VHL: variants seen among roughly 807,000 people sequenced by gnomAD.
The protein encoded by VHL is von Hippel-Lindau disease tumor suppressor.
Under a neutral mutation model 19.2 loss-of-function variants are expected in VHL, and 10 were observed. The observed-to-expected ratio is 0.52, with a 90% confidence interval of 0.32 to 0.89. VHL has a LOEUF of 0.89. VHL is among the 40% of genes least tolerant of loss of function. The pLI, the probability that VHL is intolerant of heterozygous loss-of-function variation, is 0.03. For missense variants in VHL, 328 were observed against 292.7 expected (o/e 1.12, Z -0.88); for synonymous variants, 167 against 129.5 (o/e 1.29, Z -1.97).
At position 10,150,750 on chromosome 3, in the gene VHL, G is replaced by T. The variant is rs772766527; in HGVS notation, c.*785G>T. 2 of 232,828 alleles carry T rather than the reference G, an allele frequency of 8.6e-6. No individual in the cohort carries two copies. The highest frequency in any genetic ancestry group is 1.7e-5 in the Non-Finnish European group (2 of 117,924). 14.4% of individuals were successfully genotyped at this position (232,828 alleles called of 1,614,324 possible). On this transcript the variant is annotated 3_prime_UTR_variant, in exon 3 of 3. Coordinates refer to ENST00000256474, the MANE Select transcript of VHL (RefSeq NM_000551.4). ...ATAGCATTTTTGTAACTTGCCATCC[G>T]CACAGAAAATACGAGAAAATCTGCA...
rs1051971842 is a variant in VHL at position 10,152,911 on chromosome 3, G to A, written c.*2946G>A. Among the ~76,000 whole-genome samples the A allele has an allele frequency of 1.3e-5, 2 of 152,106 alleles. No individual in the cohort carries two copies. Among genetic ancestry groups the A allele is most frequent in the Non-Finnish European group, 2.9e-5 (2 of 68,016 alleles). On this transcript the variant is annotated 3_prime_UTR_variant, in exon 3 of 3. Transcript: ENST00000256474. ...TAATCCCAGCATTTTGGGAGACCAAGGCGGATGGATCACCTGAGGTCAGGA... is the reference window on the plus strand; with the variant it reads ...TAATCCCAGCATTTTGGGAGACCAAAGCGGATGGATCACCTGAGGTCAGGA...
Position 10,150,285 on chromosome 3 carries a change from G to A in VHL, c.*320G>A. The A allele has an allele frequency of 7.8e-7, 1 of 1,281,884 alleles. No individual in the cohort carries two copies. The allele number at this position is 1,281,884 out of a possible 1,614,324, so 79.4% of individuals were successfully genotyped here. On this transcript the variant is annotated 3_prime_UTR_variant, in exon 3 of 3. Coordinates refer to ENST00000256474, the MANE Select transcript of VHL (RefSeq NM_000551.4). ...TATAAGTAATTCAGTGGGAATTGCA[G>A]CATATCGTTTAATTTTAAGAAGGCA...
At position 10,150,831 on chromosome 3, in the gene VHL, G is replaced by C. The variant is rs1353567230; in HGVS notation, c.*866G>C. ...GTTTTTGCTAAATGTGAGTATTTCT[G>C]TTCCTTTTTGTAAATATGTGACATT... On this transcript the variant is annotated 3_prime_UTR_variant, in exon 3 of 3. Transcript: ENST00000256474. 1 of 232,152 alleles carries C rather than the reference G, an allele frequency of 4.3e-6. No individual in the cohort carries two copies. Among genetic ancestry groups the C allele is most frequent in the African/African-American group, 2.2e-5 (1 of 45,268 alleles). The allele number at this position is 232,152 out of a possible 1,614,324, so 14.4% of individuals were successfully genotyped here. A position where few individuals can be genotyped will look rare whatever the true frequency, so the allele number is the denominator to read the frequency against.
In VHL at chr3:10,146,568, A is replaced by T. The variant is rs1347416980; in HGVS notation, c.395A>T (p.Gln132Leu). 1 of 1,614,044 alleles carries T rather than the reference A, an allele frequency of 6.2e-7. No homozygotes were observed. The highest frequency in any genetic ancestry group is 1.1e-5 in the South Asian group (1 of 91,086). ...AGTHDGLLVN[Q>L]TELFVPSLNV... ...ACACACGATGGGCTTCTGGTTAACC[A>T]AACTGAATTATTTGTGCCATCTCTC... The change falls in exon 2 of 3, where the codon CAA (glutamine) becomes CTA (leucine). Residue 132 changes from glutamine (Q) to leucine (L), a missense_variant. Physicochemically the swap from Gln to Leu is moderately radical, Grantham distance 113. Transcript: ENST00000256474.
chr3:10,144,406 T>C (rs754741509), intron 1 of VHL, among the ~76,000 whole-genome samples: 1 of 151,810 alleles, frequency 6.6e-6, no homozygotes, highest in Non-Finnish European at 1.5e-5. Context: ...AACCCAGGAG[T>C]TGGAGGCTAC....
rs71307724 is a variant in VHL at position 10,148,315 on chromosome 3, C to CTTTTT, written c.464-1459_464-1455dup. Among the ~76,000 whole-genome samples the CTTTTT allele has an allele frequency of 2.8e-3, 353 of 125,480 alleles. 8 individuals are homozygous for CTTTTT. Among genetic ancestry groups the CTTTTT allele is most frequent in the African/African-American group, 0.011 (339 of 32,132 alleles). The allele number at this position is 125,480 out of a possible 152,430, so 82.3% of individuals were successfully genotyped here. ...ACCCAATTCAGTTGTACTAGATTTT[C>CTTTTT]TTTTTTTTTTTTTTTTTGAGACGGA... On this transcript the variant is annotated intron_variant, in intron 2 of 2. Coordinates refer to ENST00000256474, the MANE Select transcript of VHL (RefSeq NM_000551.4).
chr3:10,143,487 C>T (rs1342117753), intron 1 of VHL, among the ~76,000 whole-genome samples: 3 of 152,058 alleles, frequency 2.0e-5, no homozygotes, highest in Non-Finnish European at 2.9e-5. Flanking sequence ...CTGGATCTGT[C>T]GCCAGACTGG....
At position 10,153,151 on chromosome 3, in the gene VHL, G is replaced by A. The variant is rs1696458445; in HGVS notation, c.*3186G>A. Among the ~76,000 whole-genome samples the A allele has an allele frequency of 6.6e-6, 1 of 152,074 alleles. No individual in the cohort carries two copies. The highest frequency in any genetic ancestry group is 2.4e-5 in the African/African-American group (1 of 41,408). On this transcript the variant is annotated 3_prime_UTR_variant, in exon 3 of 3. Coordinates refer to ENST00000256474, the MANE Select transcript of VHL (RefSeq NM_000551.4). ...AAATTAGGCGGGCGTGGTGGTGAGCGCCTGTAGTCCCAGCTACTCGAGAGC... is the reference window on the plus strand; with the variant it reads ...AAATTAGGCGGGCGTGGTGGTGAGCACCTGTAGTCCCAGCTACTCGAGAGC...
At chr3:10,149,648 A>G in intron 2 of VHL, 139 bp from the exon 3 acceptor site, 1 of 746,074 alleles carries the variant, frequency 1.3e-6, no homozygotes, top group Non-Finnish European at 2.3e-6. Flanking sequence ...ACACACTGCC[A>G]CATACATGCA....
Position 10,149,907 on chromosome 3 carries a change from A to C in VHL, c.584A>C (p.Gln195Pro). ...GATCTGGAAGACCACCCAAATGTGC[A>C]GAAAGACCTGGAGCGGCTGACACAG... ...YEDLEDHPNVQKDLERLTQER... is the reference protein window; with the variant it reads ...YEDLEDHPNVPKDLERLTQER... Residue 195 changes from glutamine (Q) to proline (P), a missense_variant, in exon 3 of 3, where the codon CAG becomes CCG. Transcript: ENST00000256474. 1.2e-6 allele frequency: 2 copies of C among 1,614,242 alleles called. No homozygotes were observed. Among genetic ancestry groups the C allele is most frequent in the Non-Finnish European group, 1.7e-6 (2 of 1,180,042 alleles).
rs545876867 is a variant in VHL at position 10,149,153 on chromosome 3, C to T, written c.464-634C>T. On this transcript the variant is annotated intron_variant, in intron 2 of 2. Coordinates refer to ENST00000256474, the MANE Select transcript of VHL (RefSeq NM_000551.4). ...TTCAAGATAGGGTCTCACTCTGTCA[C>T]CCAGGTTGGAGTGCAGTGGCATGAT... Among the ~76,000 whole-genome samples the T allele has an allele frequency of 3.5e-4, 53 of 150,920 alleles. 1 individual carries two copies. Among genetic ancestry groups the T allele is most frequent in the Admixed American group, 8.6e-4 (13 of 15,100 alleles).
In VHL at chr3:10,150,217, T is replaced by G. The variant is rs2125131122; in HGVS notation, c.*252T>G. 1.5e-6 allele frequency: 2 copies of G among 1,358,758 alleles called. No homozygotes were observed. Among genetic ancestry groups the G allele is most frequent in the Non-Finnish European group, 9.5e-7 (1 of 1,051,134 alleles). 84.2% of individuals were successfully genotyped at this position (1,358,758 alleles called of 1,614,324 possible). On this transcript the variant is annotated 3_prime_UTR_variant, in exon 3 of 3. Transcript: ENST00000256474. ...TATCAGGAGAAGGTGGTGGCATTTTTGCTTCCTAGTAAGTCAGGACAGCTT... is the reference window on the plus strand; with the variant it reads ...TATCAGGAGAAGGTGGTGGCATTTTGGCTTCCTAGTAAGTCAGGACAGCTT...
intron 1 of VHL, among the ~76,000 whole-genome samples, chr3:10,143,413 G>A (rs867901103): frequency 2.0e-5 from 3 of 151,900 alleles, no homozygotes; most frequent in African/African-American, 7.3e-5. Context: ...ACAGGTGTAA[G>A]CCACTGCGCC....
intron 1 of VHL, among the ~76,000 whole-genome samples, chr3:10,144,174 A>C (rs1359363323): frequency 1.3e-5 from 2 of 152,256 alleles, no homozygotes; most frequent in Middle Eastern, 3.4e-3. Flanking sequence ...TTTAATATAA[A>C]AATTTACTGA....
chr3:10,147,417 T>G lies in VHL; in HGVS notation c.463+781T>G, dbSNP rs191190884. Among the ~76,000 whole-genome samples the G allele has an allele frequency of 1.6e-3, 238 of 150,980 alleles. 2 individuals are homozygous for G. Among genetic ancestry groups the G allele is most frequent in the African/African-American group, 5.6e-3 (228 of 41,072 alleles). On this transcript the variant is annotated intron_variant, in intron 2 of 2. Transcript: ENST00000256474. Reference sequence around the variant, plus strand: ...TCTCACAGTGTCATCCAGGCTGGAGTGCAGTGGTGCGATTTCAGCTCACTG... The same window carrying G: ...TCTCACAGTGTCATCCAGGCTGGAGGGCAGTGGTGCGATTTCAGCTCACTG...
rs1450716413 is a variant in VHL at position 10,150,923 on chromosome 3, C to T, written c.*958C>T. The T allele has an allele frequency of 4.8e-6, 1 of 208,824 alleles. No homozygotes were observed. The highest frequency in any genetic ancestry group is 2.3e-5 in the African/African-American group (1 of 43,946). 12.9% of individuals were successfully genotyped at this position (208,824 alleles called of 1,614,324 possible). ...GTTTTGTTTTTTTGAGATGGAGTCT[C>T]ACTCTTGTCACCCAGGCTGGAGTGC... On this transcript the variant is annotated 3_prime_UTR_variant, in exon 3 of 3. Coordinates refer to ENST00000256474, the MANE Select transcript of VHL (RefSeq NM_000551.4).
In VHL at chr3:10,150,536, CT is replaced by C. The variant is rs1388093301; in HGVS notation, c.*572del. 3.5e-6 allele frequency: 1 copy of C among 287,752 alleles called. No homozygotes were observed. Among genetic ancestry groups the C allele is most frequent in the East Asian group, 5.7e-5 (1 of 17,652 alleles). 17.8% of individuals were successfully genotyped at this position (287,752 alleles called of 1,614,324 possible). On this transcript the variant is annotated 3_prime_UTR_variant, in exon 3 of 3. Coordinates refer to ENST00000256474, the MANE Select transcript of VHL (RefSeq NM_000551.4). ...TAGAAAGTGCTTAGAGGTTCTGCCT[CT>C]ATTTTTGTTGGGGGGTGGGAGAGGG...
At chr3:10,142,272 G>T in intron 1 of VHL, 85 bp downstream of exon 1, 1 of 1,502,306 alleles carries the variant, frequency 6.7e-7, no homozygotes, top group South Asian at 1.2e-5. Flanking sequence ...CCATTTTGCA[G>T]ACGGGGAACT....
chr3:10,152,369 CAA>C lies in VHL; in HGVS notation c.*2418_*2419del, dbSNP rs564788050. 60 of 108,032 alleles carry C rather than the reference CAA, an allele frequency of 5.6e-4. No homozygotes were observed. The highest frequency in any genetic ancestry group is 0.011 in the Middle Eastern group (2 of 180). 6.7% of individuals were successfully genotyped at this position (108,032 alleles called of 1,614,324 possible). On this transcript the variant is annotated 3_prime_UTR_variant, in exon 3 of 3. Transcript: ENST00000256474. ...GTGTGACAGAGCAATACTCTTGTCTCAAAAAAAAAAAAAAATTCAAATCAGAG... is the reference window on the plus strand; with the variant it reads ...GTGTGACAGAGCAATACTCTTGTCTCAAAAAAAAAAAAATTCAAATCAGAG...
Sources: gnomAD v4.1 joint callset for allele counts (sites outside exome capture counted in the v4.1 genomes callset) on GRCh38, gnomAD v4.1.1 for gene constraint, MANE v1.5 for transcripts, NCBI Gene and HGNC (gene_info 2026-07-23, HGNC 2026-07-21) for gene names.